FOXO3: variants seen among roughly 807,000 people sequenced by gnomAD.
FOXO3 encodes the protein forkhead box O3, also known as forkhead box protein O3.
Under a neutral mutation model 41.9 loss-of-function variants are expected in FOXO3, and 4 were observed. That is an observed-to-expected ratio of 0.10 (90% CI 0.05 to 0.22). The LOEUF is 0.22. FOXO3 is among the 10% of genes least tolerant of loss of function. FOXO3 has a pLI of 1.00. For missense variants in FOXO3, 534 were observed against 906.8 expected, an observed-to-expected ratio of 0.59 and a Z score of 5.28; for synonymous variants, 318 against 389.3, an observed-to-expected ratio of 0.82 and a Z score of 2.16.
At position 108,582,985 on chromosome 6, in the gene FOXO3, A is replaced by G. The variant is rs1776472602; in HGVS notation, c.621+21156A>G. Among the ~76,000 whole-genome samples, 3 of 152,176 alleles carry G rather than the reference A, an allele frequency of 2.0e-5. No individual in the cohort carries two copies. The South Asian group carries it at 6.2e-4, about 32-fold the overall frequency. On this transcript the variant is annotated intron_variant, in intron 1 of 2. Coordinates refer to ENST00000406360, the MANE Select transcript of FOXO3 (RefSeq NM_001455.4). ...GATGATGGAACTCCTGAGTCCTGAA[A>G]CGCAGTGCCTTGGATGTCATCTGAC...
In FOXO3 at chr6:108,604,462, C is replaced by T. The variant is rs187678264; in HGVS notation, c.621+42633C>T. The stretch of plus-strand genomic sequence containing the variant: ...GAATTTAAAGGTAATTTAACAGCGA[C>T]GTGCCTTTGCCTGAAATGAGTAGAA... On this transcript the variant is annotated intron_variant, in intron 1 of 2. Coordinates refer to ENST00000406360, the MANE Select transcript of FOXO3 (RefSeq NM_001455.4). 1.7e-4 allele frequency among the ~76,000 whole-genome samples: 26 copies of T among 152,198 alleles called. 1 individual carries two copies. Among genetic ancestry groups the T allele is most frequent in the Admixed American group, 1.2e-3 (19 of 15,290 alleles).
intron 1 of FOXO3, among the ~76,000 whole-genome samples, chr6:108,595,319 T>C (rs1170426575): frequency 6.6e-6 from 1 of 152,208 alleles, no homozygotes; most frequent in African/African-American, 2.4e-5. Flanking sequence ...GAAAAAACTT[T>C]TCATTGTAAC....
intron 1 of FOXO3, among the ~76,000 whole-genome samples, chr6:108,604,751 T>C (rs1253114604): frequency 6.6e-6 from 1 of 152,158 alleles, no homozygotes; most frequent in Admixed American, 6.5e-5. Flanking sequence ...TCAGTTTGTT[T>C]GGTTTGGACC....
intron 2 of FOXO3, among the ~76,000 whole-genome samples, chr6:108,672,016 G>C (rs1779228521): frequency 6.6e-6 from 1 of 152,206 alleles, no homozygotes; most frequent in South Asian, 2.1e-4. Flanking sequence ...GTGTCCACAG[G>C]GGCTAGCAGC....
chr6:108,658,475 A>G (rs965871367), intron 1 of FOXO3, among the ~76,000 whole-genome samples: 23 of 152,336 alleles, frequency 1.5e-4, no homozygotes, highest in Admixed American at 1.5e-3. Flanking sequence ...ATTGAAGCTA[A>G]TCATCTATTT....
chr6:108,561,127 C>G lies in FOXO3; in HGVS notation c.-82C>G. Reference sequence around the variant, plus strand: ...CCGGGAGCCGGAGCCTTCGCGGCGTCCACGTCCCTCCCCCGCTGCACCCCG... The same window carrying G: ...CCGGGAGCCGGAGCCTTCGCGGCGTGCACGTCCCTCCCCCGCTGCACCCCG... On this transcript the variant is annotated 5_prime_UTR_variant, in exon 1 of 3. Transcript: ENST00000406360. 1 of 1,460,318 alleles carries G rather than the reference C, an allele frequency of 6.8e-7. No homozygotes were observed. The highest frequency in any genetic ancestry group is 9.0e-7 in the Non-Finnish European group (1 of 1,114,444). 90.5% of individuals were successfully genotyped at this position (1,460,318 alleles called of 1,614,324 possible).
rs1770834971 is a variant in FOXO3, at chr6:108,681,185, A to G, written c.*1393A>G. The G allele has an allele frequency of 6.6e-6, 1 of 152,618 alleles. No homozygotes were observed. Among genetic ancestry groups the G allele is most frequent in the Non-Finnish European group, 1.5e-5 (1 of 68,034 alleles). The allele number at this position is 152,618 out of a possible 1,614,324, so 9.5% of individuals were successfully genotyped here. A position where few individuals can be genotyped will look rare whatever the true frequency, so the allele number is the denominator to read the frequency against. On this transcript the variant is annotated 3_prime_UTR_variant, in exon 3 of 3. Coordinates refer to ENST00000406360, the MANE Select transcript of FOXO3 (RefSeq NM_001455.4). The stretch of plus-strand genomic sequence containing the variant: ...TTCTTTGGTAGACGGAATAGTTGGG[A>G]CCACCTTTGGTACATAAGAAATTGG...
intron 1 of FOXO3, among the ~76,000 whole-genome samples, chr6:108,632,252 T>G (rs997172381): frequency 8.5e-5 from 13 of 152,158 alleles, no homozygotes; most frequent in African/African-American, 2.7e-4. Flanking sequence ...CTGCCTTAAA[T>G]TTGTTTTTGG....
At chr6:108,667,226 C>T (rs1305629031) in intron 2 of FOXO3, among the ~76,000 whole-genome samples, 1 of 152,150 alleles carries the variant, frequency 6.6e-6, no homozygotes, top group Non-Finnish European at 1.5e-5. Flanking sequence ...ACTTCCATGC[C>T]AGCCAGCTCA....
chr6:108,679,061 C>T (rs1375756222), intron 2 of FOXO3, among the ~76,000 whole-genome samples: 33 of 151,590 alleles, frequency 2.2e-4, no homozygotes, highest in Non-Finnish European at 1.5e-5. Context: ...TTAGTAGAGA[C>T]GGGGTTTCAC....
intron 1 of FOXO3, among the ~76,000 whole-genome samples, chr6:108,625,758 G>T (rs1466788383): frequency 1.3e-5 from 2 of 152,132 alleles, no homozygotes; most frequent in African/African-American, 4.8e-5. Context: ...CCTTGAGTGA[G>T]CCAACAACTT....
At chr6:108,585,022 CTTTT>C (rs1159028928) in intron 1 of FOXO3, among the ~76,000 whole-genome samples, 2 of 51,528 alleles carry the variant, frequency 3.9e-5, no homozygotes, top group Admixed American at 3.6e-4. Flanking sequence ...TCTCCAAAAT[CTTTT>C]TTTTTTTTTT....
At chr6:108,593,272 T>G (rs886603741) in intron 1 of FOXO3, among the ~76,000 whole-genome samples, 6 of 152,228 alleles carry the variant, frequency 3.9e-5, no homozygotes, top group African/African-American at 7.2e-5. Context: ...TTTAAATAGA[T>G]GAGCTTGAAA....
At chr6:108,568,667 A>C (rs929119198) in intron 1 of FOXO3, among the ~76,000 whole-genome samples, 2 of 152,170 alleles carry the variant, frequency 1.3e-5, no homozygotes, top group Non-Finnish European at 1.5e-5. Context: ...TGTGACTCTG[A>C]AAGGGGCTGA....
chr6:108,609,993 A>C (rs549628795), intron 1 of FOXO3, among the ~76,000 whole-genome samples: 2 of 151,894 alleles, frequency 1.3e-5, no homozygotes, highest in South Asian at 2.1e-4. Flanking sequence ...ACCTGTCACC[A>C]CTCCTCTTAT....
chr6:108,572,859 A>G (rs1475324220), intron 1 of FOXO3, among the ~76,000 whole-genome samples: 1 of 152,154 alleles, frequency 6.6e-6, no homozygotes, highest in Non-Finnish European at 1.5e-5. Flanking sequence ...AAGACAAGGA[A>G]ATGGTTCAGG....
intron 1 of FOXO3, among the ~76,000 whole-genome samples, chr6:108,563,220 G>C (rs910852751): frequency 6.6e-6 from 1 of 152,176 alleles, no homozygotes; most frequent in Non-Finnish European, 1.5e-5. Context: ...GAAAACCCTT[G>C]CAAAGTTAAA....
At chr6:108,636,000 T>C (rs1451650068) in intron 1 of FOXO3, among the ~76,000 whole-genome samples, 3 of 152,262 alleles carry the variant, frequency 2.0e-5, no homozygotes, top group Admixed American at 1.3e-4. Flanking sequence ...TGTGGTAATC[T>C]TGTCAGTCTT....
At position 108,561,198 on chromosome 6, in the gene FOXO3, G is replaced by A. The variant is rs1179879166; in HGVS notation, c.-11G>A. On this transcript the variant is annotated 5_prime_UTR_variant, in exon 1 of 3. Coordinates refer to ENST00000406360, the MANE Select transcript of FOXO3 (RefSeq NM_001455.4). ...GCGAGAGCCCCAGCCGCGGGCGGGC[G>A]GGCGGCGAAGATGGCAGAGGCACCG... 2.0e-6 allele frequency: 3 copies of A among 1,530,866 alleles called. No homozygotes were observed. The Admixed American group carries it at 6.0e-5, about 31-fold the overall frequency. The allele number at this position is 1,530,866 out of a possible 1,614,324, so 94.8% of individuals were successfully genotyped here.
Sources: allele counts gnomAD v4.1 joint callset (sites outside exome capture counted in the v4.1 genomes callset), GRCh38; gene constraint gnomAD v4.1.1; transcripts MANE v1.5; gene names NCBI Gene and HGNC (gene_info 2026-07-23, HGNC 2026-07-21).